The following FERRY3 variants were observed in gnomAD, a reference collection of about 807,000 sequenced individuals.
The protein encoded by FERRY3 is FERRY endosomal RAB5 effector complex subunit 3, also known as protein C12orf4.
chr12:4,517,206 A>G, the FERRY3 span: 1 of 1,518,338 alleles, frequency 6.6e-7, no homozygotes, highest in Non-Finnish European at 8.8e-7. Flanking sequence ...GACCCAAAAC[A>G]TTTACAAACT....
the FERRY3 span, among the ~76,000 whole-genome samples, chr12:4,494,216 C>G: frequency 6.6e-6 from 1 of 151,904 alleles, no homozygotes; most frequent in East Asian, 1.9e-4. Flanking sequence ...ACAAAAATAA[C>G]CTTTATAAAT....
At chr12:4,507,177 C>T in the FERRY3 span, among the ~76,000 whole-genome samples, 1 of 152,100 alleles carries the variant, frequency 6.6e-6, no homozygotes, top group South Asian at 2.1e-4. Context: ...TGCTTTTAGT[C>T]ACTACTAAGA....
the FERRY3 span, among the ~76,000 whole-genome samples, chr12:4,520,720 G>T: frequency 9.9e-5 from 15 of 152,172 alleles, no homozygotes; most frequent in South Asian, 2.1e-4. Flanking sequence ...CACCACTCAA[G>T]AACTTATTTG....
the FERRY3 span, chr12:4,518,919 T>C: frequency 7.4e-7 from 1 of 1,356,476 alleles, no homozygotes. Flanking sequence ...TTTATGTTTG[T>C]CAAAAACTTT....
the FERRY3 span, among the ~76,000 whole-genome samples, chr12:4,516,797 T>C: frequency 6.6e-6 from 1 of 152,234 alleles, no homozygotes; most frequent in Admixed American, 6.5e-5. Context: ...CAAACCGCCA[T>C]GGCACACGTT....
the FERRY3 span, among the ~76,000 whole-genome samples, chr12:4,523,367 G>A: frequency 1.3e-5 from 2 of 152,238 alleles, no homozygotes; most frequent in Non-Finnish European, 2.9e-5. Context: ...TGGTGGGACT[G>A]TAAACTAGTT....
the FERRY3 span, chr12:4,535,989 G>GT: frequency 6.7e-7 from 1 of 1,489,478 alleles, no homozygotes. The surrounding 1 kb of genome is among the most constrained non-coding windows in gnomAD (Gnocchi z 4.0). Flanking sequence ...ATAAAGTGGT[G>GT]TTACTTAAAA....
chr12:4,489,913 AAAT>A, the FERRY3 span: 1 of 1,477,140 alleles, frequency 6.8e-7, no homozygotes. Context: ...TAAGACGAAA[AAAT>A]AATAATTGCA....
the FERRY3 span, among the ~76,000 whole-genome samples, chr12:4,527,119 T>C: frequency 1.3e-5 from 2 of 152,170 alleles, no homozygotes; most frequent in East Asian, 3.9e-4. Flanking sequence ...CAAACAGATA[T>C]AAATATATAT....
At chr12:4,491,244 GAAACA>G in the FERRY3 span, 1 of 1,608,496 alleles carries the variant, frequency 6.2e-7, no homozygotes, top group Non-Finnish European at 8.5e-7. Context: ...CCTAAAAACA[GAAACA>G]AAACATAAGA....
At chr12:4,529,794 A>C in the FERRY3 span, 1 of 1,262,098 alleles carries the variant, frequency 7.9e-7, no homozygotes, top group South Asian at 1.6e-5. Flanking sequence ...GTAAAAAATA[A>C]AAACAAGTTG....
At chr12:4,492,643 AT>A in the FERRY3 span, among the ~76,000 whole-genome samples, 8 of 152,154 alleles carry the variant, frequency 5.3e-5, no homozygotes, top group South Asian at 1.7e-3. Context: ...ATAGCATCAA[AT>A]TATTCCAGTT....
the FERRY3 span, among the ~76,000 whole-genome samples, chr12:4,501,245 TTC>T: frequency 6.6e-6 from 1 of 152,228 alleles, no homozygotes; most frequent in Non-Finnish European, 1.5e-5. Flanking sequence ...TTTTGTAACA[TTC>T]TCTTAATCGA....
At chr12:4,535,982 A>C in the FERRY3 span, 1 of 1,469,584 alleles carries the variant, frequency 6.8e-7, no homozygotes. This position sits in a 1 kb window ranked among gnomAD's most constrained non-coding sequence, Gnocchi z 4.0. Flanking sequence ...GAAACTAATA[A>C]AGTGGTGTTA....
the FERRY3 span, chr12:4,505,310 TAA>T: frequency 6.3e-7 from 1 of 1,588,878 alleles, no homozygotes; most frequent in Non-Finnish European, 8.6e-7. Flanking sequence ...ACTTACCAGG[TAA>T]AACATTTAAA....
At chr12:4,517,973 T>C in the FERRY3 span, 1 of 1,299,560 alleles carries the variant, frequency 7.7e-7, no homozygotes, top group Non-Finnish European at 1.1e-6. Context: ...AAATTTTTTT[T>C]CATTTTCCCT....
the FERRY3 span, among the ~76,000 whole-genome samples, chr12:4,501,566 C>A: frequency 6.6e-6 from 1 of 152,096 alleles, no homozygotes; most frequent in African/African-American, 2.4e-5. Flanking sequence ...GGAGCACGAA[C>A]CCTATTGTGA....
chr12:4,502,317 C>A, the FERRY3 span: 1 of 405,106 alleles, frequency 2.5e-6, no homozygotes, highest in African/African-American at 2.1e-5. The surrounding 1 kb of genome is among the most constrained non-coding windows in gnomAD (Gnocchi z 4.2). Context: ...GCACCTGGCA[C>A]GTAGAAGGTA....
At chr12:4,509,517 A>T in the FERRY3 span, among the ~76,000 whole-genome samples, 1 of 149,840 alleles carries the variant, frequency 6.7e-6, no homozygotes, top group Non-Finnish European at 1.5e-5. Context: ...CTTTGAAGAG[A>T]GCACTGGTTC....
Sources: gnomAD v4.1 joint callset for allele counts (sites outside exome capture counted in the v4.1 genomes callset) on GRCh38, gnomAD v4.1.1 for gene constraint, Gnocchi (gnomAD v3.1) non-coding constraint, MANE v1.5 for transcripts, NCBI Gene and HGNC (gene_info 2026-07-23, HGNC 2026-07-21) for gene names.